The following PRORP variants were observed in gnomAD, a reference collection of about 807,000 sequenced individuals.
The protein encoded by PRORP is mitochondrial ribonuclease P catalytic subunit.
A neutral mutation model predicts 59.4 loss-of-function variants in PRORP; 51 were observed. The ratio of observed to expected loss-of-function variants is 0.86; its 90% CI spans 0.69 to 1.08. The LOEUF (loss-of-function observed/expected upper bound fraction) is 1.08, where lower values mean the gene tolerates loss of function less well. PRORP is among the 50% of genes least tolerant of loss of function. The pLI, the probability that PRORP is intolerant of heterozygous loss-of-function variation, is 0.00. For missense variants in PRORP, 646 were observed against 690.3 expected (o/e 0.94, Z 0.72); for synonymous variants, 231 against 245.6 (o/e 0.94, Z 0.55).
chr14:35,163,311 G>A (rs2048107316), intron 4 of PRORP, among the ~76,000 whole-genome samples: 1 of 152,016 alleles, frequency 6.6e-6, no homozygotes, highest in South Asian at 2.1e-4. Context: ...TACTCTTGCT[G>A]TATTTGTTGC....
intron 7 of PRORP, among the ~76,000 whole-genome samples, chr14:35,271,261 C>T (rs373476624): frequency 1.4e-5 from 2 of 147,528 alleles, no homozygotes; most frequent in South Asian, 2.2e-4. Context: ...CAGGTTCAAG[C>T]GATCCTCCTG....
At chr14:35,254,121 A>C (rs2050688052) in intron 5 of PRORP, among the ~76,000 whole-genome samples, 1 of 151,242 alleles carries the variant, frequency 6.6e-6, no homozygotes, top group South Asian at 2.1e-4. Context: ...TCATCTATCC[A>C]GCTGTCCAAT....
At chr14:35,204,839 A>G (rs2049250467) in intron 5 of PRORP, among the ~76,000 whole-genome samples, 1 of 152,200 alleles carries the variant, frequency 6.6e-6, no homozygotes, top group African/African-American at 2.4e-5. Flanking sequence ...CTTATTCATA[A>G]TGGCCCCAAC....
chr14:35,137,228 A>G lies in PRORP; in HGVS notation c.1167+9617A>G, dbSNP rs1241443711. ...GAGTCAAGGGAGGGTTTAGAGAGAT[A>G]GGCTTGTGCCTGTTTGGAGGATGAA... On this transcript the variant is annotated intron_variant, in intron 4 of 7. Transcript: ENST00000534898. 1.4e-5 allele frequency among the ~76,000 whole-genome samples: 2 copies of G among 145,224 alleles called. 1 individual carries two copies. The highest frequency in any genetic ancestry group is 3.1e-5 in the Non-Finnish European group (2 of 65,350).
At chr14:35,139,273 A>G (rs2047433643) in intron 4 of PRORP, among the ~76,000 whole-genome samples, 1 of 145,702 alleles carries the variant, frequency 6.9e-6, no homozygotes, top group South Asian at 2.2e-4. Context: ...TGATTTTTCA[A>G]CTATAGTTTT....
intron 4 of PRORP, among the ~76,000 whole-genome samples, chr14:35,164,720 A>C (rs751173886): frequency 3.3e-5 from 5 of 152,214 alleles, no homozygotes; most frequent in Non-Finnish European, 7.3e-5. Flanking sequence ...ACGAACCTCT[A>C]CATGGATCTG....
At chr14:35,262,926 T>G (rs1445337576) in intron 5 of PRORP, 1 of 1,588,066 alleles carries the variant, frequency 6.3e-7, no homozygotes, top group East Asian at 2.2e-5. Context: ...TGTTTCCAAT[T>G]TAGAGGCTTT....
intron 4 of PRORP, among the ~76,000 whole-genome samples, chr14:35,137,463 A>G (rs1383732134): frequency 6.9e-6 from 1 of 144,720 alleles, no homozygotes; most frequent in Non-Finnish European, 1.5e-5. Flanking sequence ...ATTGAGAGAA[A>G]TGATACCTGC....
intron 4 of PRORP, among the ~76,000 whole-genome samples, chr14:35,157,147 G>A (rs1388183950): frequency 2.0e-5 from 3 of 151,894 alleles, no homozygotes; most frequent in Non-Finnish European, 4.4e-5. Context: ...AGTAGAGATG[G>A]GGTTTCACTA....
At chr14:35,216,104 ATATATT>A (rs1004793594) in intron 5 of PRORP, among the ~76,000 whole-genome samples, 72 of 110,654 alleles carry the variant, frequency 6.5e-4, no homozygotes, top group African/African-American at 6.8e-4. Context: ...ACATATATGT[ATATATT>A]TATATTTATA....
In PRORP at chr14:35,180,669, G is replaced by A. The variant is rs1174210615; in HGVS notation, c.1168-1G>A. 6.3e-7 allele frequency: 1 copy of A among 1,585,596 alleles called. No individual in the cohort carries two copies. The highest frequency in any genetic ancestry group is 1.1e-5 in the South Asian group (1 of 89,918). On this transcript the variant is annotated splice_acceptor_variant, in intron 4 of 7. Transcript: ENST00000534898. LOFTEE classifies it high-confidence loss of function. Reference sequence around the variant, plus strand: ...TGTTTTGTCTGACATTTCTTTATTAGGAACTTAAGAGATTTGAGAACTTCA... The same window carrying A: ...TGTTTTGTCTGACATTTCTTTATTAAGAACTTAAGAGATTTGAGAACTTCA...
At chr14:35,163,398 G>A (rs1477650991) in intron 4 of PRORP, among the ~76,000 whole-genome samples, 1 of 151,994 alleles carries the variant, frequency 6.6e-6, no homozygotes, top group Non-Finnish European at 1.5e-5. Flanking sequence ...GACCTAGTAA[G>A]GTGTTGTGAC....
chr14:35,167,127 C>G (rs931332698), intron 4 of PRORP, among the ~76,000 whole-genome samples: 1 of 152,202 alleles, frequency 6.6e-6, no homozygotes, highest in African/African-American at 2.4e-5. Context: ...TATACCACTT[C>G]TCTTTAGATG....
chr14:35,245,293 A>G (rs8015175), intron 5 of PRORP, among the ~76,000 whole-genome samples: 124,204 of 152,150 alleles, frequency 0.82, 50,765 homozygotes, highest in Admixed American at 0.85. Context: ...TGGAAACTCT[A>G]GACTACAGTT....
At chr14:35,152,618 C>G (rs768563600) in intron 4 of PRORP, among the ~76,000 whole-genome samples, 1 of 151,516 alleles carries the variant, frequency 6.6e-6, no homozygotes, top group Non-Finnish European at 1.5e-5. Flanking sequence ...CCCCCCACCT[C>G]CGCCTCCCTC....
intron 5 of PRORP, among the ~76,000 whole-genome samples, chr14:35,188,613 G>A (rs2048802980): frequency 6.6e-6 from 1 of 151,892 alleles, no homozygotes; most frequent in Non-Finnish European, 1.5e-5. Context: ...AGGCATGGAA[G>A]TTTTAGTTTT....
At chr14:35,137,272 A>G (rs1290483650) in intron 4 of PRORP, among the ~76,000 whole-genome samples, 1 of 145,262 alleles carries the variant, frequency 6.9e-6, no homozygotes. Flanking sequence ...ATCAATAGAG[A>G]TAAAAAATAT....
At chr14:35,182,115 A>T (rs1046726306) in intron 5 of PRORP, among the ~76,000 whole-genome samples, 3 of 148,066 alleles carry the variant, frequency 2.0e-5, no homozygotes, top group Non-Finnish European at 4.5e-5. Flanking sequence ...AATACAAAAA[A>T]ATTAGCCGGG....
At chr14:35,250,231 CAAAAAAA>C (rs796530537) in intron 5 of PRORP, among the ~76,000 whole-genome samples, 1 of 126,994 alleles carries the variant, frequency 7.9e-6, no homozygotes, top group African/African-American at 2.9e-5. Flanking sequence ...GACTCGGTCT[CAAAAAAA>C]AAAAAGAAAA....
Sources: allele counts gnomAD v4.1 joint callset (sites outside exome capture counted in the v4.1 genomes callset), GRCh38; gene constraint gnomAD v4.1.1; transcripts MANE v1.5; gene names NCBI Gene and HGNC (gene_info 2026-07-23, HGNC 2026-07-21).